The following CNTN4 variants were observed in gnomAD, a reference collection of about 807,000 sequenced individuals.
CNTN4 encodes contactin 4, also known as contactin-4.
Under a neutral mutation model 122.5 loss-of-function variants are expected in CNTN4, and 77 were observed. That is an observed-to-expected ratio of 0.63 (90% confidence interval 0.52 to 0.76). The LOEUF (loss-of-function observed/expected upper bound fraction) is 0.76. Among genes scored for constraint, CNTN4 ranks in the 30% least tolerant of loss-of-function variants. The pLI is 0.00. For synonymous variants in CNTN4, 512 were observed against 447.0 expected, an observed-to-expected ratio of 1.15 and a Z score of -1.83; for missense variants, 1,256 against 1,259.1, an observed-to-expected ratio of 1.00 and a Z score of 0.04.
intron 4 of CNTN4, among the ~76,000 whole-genome samples, chr3:2,594,500 C>T (rs771961330): frequency 1.3e-5 from 2 of 150,680 alleles, no homozygotes; most frequent in African/African-American, 2.4e-5. Flanking sequence ...CTCACTGCAA[C>T]CTCCCTCTCC....
Position 2,340,706 on chromosome 3 carries a change from T to TAGAGAG in CNTN4, c.-89+1474_-89+1475insGAGAGA, listed in dbSNP as rs1176854234. ...AATTTTATATATATATATATATATA[T>TAGAGAG]ATATAGAGAGAGAGAGAGAGAGAGA... On this transcript the variant is annotated intron_variant, in intron 3 of 24. Coordinates refer to ENST00000418658, the MANE Select transcript of CNTN4 (RefSeq NM_175607.3). 3.7e-3 allele frequency among the ~76,000 whole-genome samples: 90 copies of TAGAGAG among 24,054 alleles called. 1 individual carries two copies. The highest frequency in any genetic ancestry group is 7.3e-3 in the African/African-American group (84 of 11,458). The allele number at this position is 24,054 out of a possible 152,430, so 15.8% of individuals were successfully genotyped here. A position where few individuals can be genotyped will look rare whatever the true frequency, so the allele number is the denominator to read the frequency against.
At chr3:2,232,900 G>T (rs1575134976) in intron 2 of CNTN4, among the ~76,000 whole-genome samples, 1 of 152,164 alleles carries the variant, frequency 6.6e-6, no homozygotes, top group Admixed American at 6.6e-5. Context: ...CATAAGAAAG[G>T]TTGAGTGGAA....
intron 4 of CNTN4, among the ~76,000 whole-genome samples, chr3:2,627,634 C>T (rs2082250419): frequency 6.6e-6 from 1 of 150,916 alleles, no homozygotes; most frequent in Admixed American, 6.6e-5. Context: ...GTTGGGAATA[C>T]AGGTGCCCGC....
intron 3 of CNTN4, among the ~76,000 whole-genome samples, chr3:2,351,605 G>A (rs958773842): frequency 7.2e-5 from 11 of 152,108 alleles, no homozygotes; most frequent in African/African-American, 2.4e-4. Flanking sequence ...AGGACAGAGC[G>A]TGATTTCTTC....
chr3:3,039,590 T>G (rs1010048645), intron 19 of CNTN4: 2 of 215,340 alleles, frequency 9.3e-6, no homozygotes, highest in Non-Finnish European at 9.4e-6. Context: ...AAGAAATCAC[T>G]CATCCCTCCA....
At chr3:2,532,038 T>A (rs960079472) in intron 3 of CNTN4, among the ~76,000 whole-genome samples, 8 of 152,236 alleles carry the variant, frequency 5.3e-5, no homozygotes, top group Non-Finnish European at 1.0e-4. Context: ...AGCCATGTTT[T>A]GAGAGTAATT....
chr3:2,725,164 C>G (rs2088136025), intron 4 of CNTN4, among the ~76,000 whole-genome samples: 1 of 152,126 alleles, frequency 6.6e-6, no homozygotes, highest in Non-Finnish European at 1.5e-5. Flanking sequence ...TGCAAGTGCT[C>G]TTTTTTCCTT....
Position 2,659,410 on chromosome 3 carries a change from C to T in CNTN4, c.56-76805C>T, listed in dbSNP as rs145301615. ...CCAGGAGGTGGAGGTTGCGGTGAGC[C>T]GAGATCACATCACTGCACTTCACCC... On this transcript the variant is annotated intron_variant, in intron 4 of 24. Coordinates refer to ENST00000418658, the MANE Select transcript of CNTN4 (RefSeq NM_175607.3). 9.3e-3 allele frequency among the ~76,000 whole-genome samples: 1,314 copies of T among 141,284 alleles called. 23 individuals are homozygous for T. The highest frequency in any genetic ancestry group is 0.033 in the African/African-American group (1,252 of 37,770). 92.7% of individuals were successfully genotyped at this position (141,284 alleles called of 152,430 possible).
At chr3:2,877,144 T>G (rs1208295003) in intron 8 of CNTN4, among the ~76,000 whole-genome samples, 1 of 152,250 alleles carries the variant, frequency 6.6e-6, no homozygotes, top group Non-Finnish European at 1.5e-5. Context: ...AGTTATTGCC[T>G]GCATGTGCCC....
At chr3:2,730,619 CCTAG>C (rs1359531338) in intron 4 of CNTN4, among the ~76,000 whole-genome samples, 1 of 152,152 alleles carries the variant, frequency 6.6e-6, no homozygotes, top group Admixed American at 6.5e-5. Flanking sequence ...GTGGAATTTT[CCTAG>C]CTCCACCCAC....
At chr3:2,519,859 G>A (rs1407447545) in intron 3 of CNTN4, among the ~76,000 whole-genome samples, 1 of 152,090 alleles carries the variant, frequency 6.6e-6, no homozygotes, top group Non-Finnish European at 1.5e-5. Flanking sequence ...TTGGTTGCGG[G>A]AAAAATATGC....
chr3:2,694,365 C>G (rs934155890), intron 4 of CNTN4, among the ~76,000 whole-genome samples: 1 of 152,204 alleles, frequency 6.6e-6, no homozygotes, highest in Non-Finnish European at 1.5e-5. Context: ...TCAGTGTGTA[C>G]TTATAGATCT....
rs769003812 is a variant in CNTN4, at chr3:2,723,283, C to T, written c.56-12932C>T. Among the ~76,000 whole-genome samples, 19 of 152,244 alleles carry T rather than the reference C, an allele frequency of 1.2e-4. 1 individual carries two copies. Among genetic ancestry groups the T allele is most frequent in the Admixed American group, 7.2e-4 (11 of 15,290 alleles). ...TAATCTTTGCAAACCTTTGTTTACT[C>T]GCCTCAAAAAGTGGGGTTTGATAAA... On this transcript the variant is annotated intron_variant, in intron 4 of 24. Transcript: ENST00000418658.
At chr3:2,544,873 A>G (rs544403121) in intron 3 of CNTN4, among the ~76,000 whole-genome samples, 1 of 150,596 alleles carries the variant, frequency 6.6e-6, no homozygotes, top group African/African-American at 2.4e-5. Flanking sequence ...AATTTCCTTC[A>G]GTTCAGCTCT....
At chr3:2,641,354 C>T (rs2082887550) in intron 4 of CNTN4, among the ~76,000 whole-genome samples, 1 of 152,130 alleles carries the variant, frequency 6.6e-6, no homozygotes, top group Non-Finnish European at 1.5e-5. Context: ...ATATTATTCA[C>T]ATTTTTTGTA....
At chr3:2,145,805 T>C (rs2035218819) in intron 2 of CNTN4, among the ~76,000 whole-genome samples, 1 of 48,476 alleles carries the variant, frequency 2.1e-5, no homozygotes, top group African/African-American at 6.9e-5. Context: ...TTATGAAATA[T>C]GTTATTATTA....
chr3:3,021,880 G>C (rs1698326418), intron 14 of CNTN4, among the ~76,000 whole-genome samples: 1 of 152,092 alleles, frequency 6.6e-6, no homozygotes, highest in South Asian at 2.1e-4. Context: ...AGGAGTCTGA[G>C]ACTGACCTGA....
At chr3:3,036,755 A>C (rs1699642889) in intron 17 of CNTN4, among the ~76,000 whole-genome samples, 1 of 150,176 alleles carries the variant, frequency 6.7e-6, no homozygotes, top group Admixed American at 6.6e-5. Context: ...CATCAGAGAG[A>C]GAGAGAGAGA....
intron 13 of CNTN4, among the ~76,000 whole-genome samples, chr3:2,935,797 T>C (rs577607159): frequency 1.8e-4 from 27 of 152,310 alleles, no homozygotes; most frequent in African/African-American, 5.8e-4. Flanking sequence ...GCCATTTGTG[T>C]TGGAGCATAC....
Sources: allele counts gnomAD v4.1 joint callset (sites outside exome capture counted in the v4.1 genomes callset), GRCh38; gene constraint gnomAD v4.1.1; transcripts MANE v1.5; gene names NCBI Gene and HGNC (gene_info 2026-07-23, HGNC 2026-07-21).